The following SLC35D4 variants were observed in gnomAD, a reference collection of about 807,000 sequenced individuals.
The protein encoded by SLC35D4 is solute carrier family 35 member D4.
chr18:23,428,133 C>T, the SLC35D4 span, among the ~76,000 whole-genome samples: 3 of 152,014 alleles, frequency 2.0e-5, no homozygotes, highest in Non-Finnish European at 2.9e-5. Flanking sequence ...CAAACCTGCA[C>T]ATTGTGCACA....
the SLC35D4 span, among the ~76,000 whole-genome samples, chr18:23,265,944 G>T: frequency 1.3e-5 from 2 of 152,086 alleles, no homozygotes. Flanking sequence ...CCCTAAGGCA[G>T]CTGCCTTCTC....
At chr18:23,322,419 A>C in the SLC35D4 span, among the ~76,000 whole-genome samples, 1 of 152,024 alleles carries the variant, frequency 6.6e-6, no homozygotes, top group Admixed American at 6.5e-5. Flanking sequence ...AAGTACCAAA[A>C]CTCTGAACTC....
At chr18:23,260,028 C>T in the SLC35D4 span, 82 of 152,108 alleles carry the variant, frequency 5.4e-4, no homozygotes, top group African/African-American at 2.0e-3. Context: ...TCTAGTGAGC[C>T]TTGACTGTTA....
At chr18:23,341,609 G>T in the SLC35D4 span, among the ~76,000 whole-genome samples, 2 of 152,340 alleles carry the variant, frequency 1.3e-5, no homozygotes, top group Middle Eastern at 3.4e-3. Flanking sequence ...GACATCATGG[G>T]AATGCTGTAT....
At chr18:23,360,574 C>G in the SLC35D4 span, among the ~76,000 whole-genome samples, 2 of 152,128 alleles carry the variant, frequency 1.3e-5, no homozygotes, top group African/African-American at 4.8e-5. Flanking sequence ...CAGAACTTAT[C>G]TATGGTAACA....
chr18:23,396,967 A>G, the SLC35D4 span, among the ~76,000 whole-genome samples: 1 of 152,208 alleles, frequency 6.6e-6, no homozygotes, highest in African/African-American at 2.4e-5. Flanking sequence ...GCTGCAGATC[A>G]CAGCTCAAGA....
the SLC35D4 span, among the ~76,000 whole-genome samples, chr18:23,414,467 G>T: frequency 6.6e-6 from 1 of 151,074 alleles, no homozygotes; most frequent in Non-Finnish European, 1.5e-5. Flanking sequence ...GAGGTCAGGA[G>T]TTCAAGACCA....
the SLC35D4 span, among the ~76,000 whole-genome samples, chr18:23,325,939 C>T: frequency 6.6e-6 from 1 of 152,184 alleles, no homozygotes; most frequent in African/African-American, 2.4e-5. Context: ...TTAAAGCCTG[C>T]GGACAAGGCA....
At chr18:23,396,924 G>C in the SLC35D4 span, among the ~76,000 whole-genome samples, 4 of 151,652 alleles carry the variant, frequency 2.6e-5, no homozygotes, top group Non-Finnish European at 4.4e-5. Flanking sequence ...ATCTCTTCAT[G>C]GACAGGTAAC....
the SLC35D4 span, among the ~76,000 whole-genome samples, chr18:23,305,725 C>G: frequency 6.6e-6 from 1 of 152,096 alleles, no homozygotes; most frequent in African/African-American, 2.4e-5. Context: ...CACTGGCGCT[C>G]CTGAGAAAGG....
At chr18:23,411,538 A>AAAGG in the SLC35D4 span, among the ~76,000 whole-genome samples, 1 of 149,412 alleles carries the variant, frequency 6.7e-6, no homozygotes, top group Non-Finnish European at 1.5e-5. Context: ...AGAAAGAAAG[A>AAAGG]AAGAAAGAAA....
At chr18:23,274,429 T>C in the SLC35D4 span, among the ~76,000 whole-genome samples, 1 of 152,208 alleles carries the variant, frequency 6.6e-6, no homozygotes, top group Admixed American at 6.5e-5. Flanking sequence ...TGCCACAGAA[T>C]GAAAGTAAAT....
At chr18:23,411,159 G>A in the SLC35D4 span, among the ~76,000 whole-genome samples, 1 of 143,302 alleles carries the variant, frequency 7.0e-6, no homozygotes, top group African/African-American at 2.8e-5. Flanking sequence ...AAGGAAGGAG[G>A]GAAGGAGGGA....
chr18:23,400,276 T>TCA, the SLC35D4 span, among the ~76,000 whole-genome samples: 9 of 152,206 alleles, frequency 5.9e-5, no homozygotes, highest in African/African-American at 1.9e-4. Flanking sequence ...ATCCTAGTTC[T>TCA]CACACACAGT....
chr18:23,246,480 C>T, the SLC35D4 span, among the ~76,000 whole-genome samples: 2 of 152,040 alleles, frequency 1.3e-5, no homozygotes, highest in Admixed American at 6.6e-5. Context: ...CAAGCTCCGC[C>T]TCCCGGGTTC....
At chr18:23,408,079 A>G in the SLC35D4 span, among the ~76,000 whole-genome samples, 1 of 151,990 alleles carries the variant, frequency 6.6e-6, no homozygotes, top group Non-Finnish European at 1.5e-5. Context: ...ATCTCTGCCT[A>G]AAAGTTATTT....
At chr18:23,386,110 G>A in the SLC35D4 span, among the ~76,000 whole-genome samples, 3 of 137,916 alleles carry the variant, frequency 2.2e-5, no homozygotes, top group Non-Finnish European at 3.1e-5. Flanking sequence ...GGGTGACAGA[G>A]CGAGACTCTG....
chr18:23,305,722 G>A, the SLC35D4 span, among the ~76,000 whole-genome samples: 2 of 152,078 alleles, frequency 1.3e-5, no homozygotes, highest in East Asian at 1.9e-4. Context: ...CCCCACTGGC[G>A]CTCCTGAGAA....
the SLC35D4 span, among the ~76,000 whole-genome samples, chr18:23,298,435 CT>C: frequency 1.4e-4 from 21 of 152,166 alleles, no homozygotes; most frequent in Admixed American, 1.4e-3. Flanking sequence ...GCAAATTGGG[CT>C]GATGGATAGG....
Sources: allele counts gnomAD v4.1 joint callset (sites outside exome capture counted in the v4.1 genomes callset), GRCh38; gene constraint gnomAD v4.1.1; transcripts MANE v1.5; gene names NCBI Gene and HGNC (gene_info 2026-07-23, HGNC 2026-07-21).